Variants in SCAF8 observed in about 807,000 individuals in gnomAD.
SCAF8 encodes SR-related CTD associated factor 8, also known as SR-related and CTD-associated factor 8.
In SCAF8, 23 loss-of-function variants were observed where a neutral mutation model predicts 140.5. The observed-to-expected ratio is 0.16, with a 90% CI of 0.12 to 0.23. The LOEUF is 0.23. Ranked by LOEUF, SCAF8 falls within the 10% of genes least tolerant of loss-of-function variation. SCAF8 has a pLI of 1.00. For missense variants in SCAF8, 1,397 were observed against 1,555.7 expected (o/e 0.90, Z 1.72); for synonymous variants, 575 against 528.9 (o/e 1.09, Z -1.20).
At chr6:154,755,694 A>G (rs546148693) in intron 1 of SCAF8, among the ~76,000 whole-genome samples, 1 of 152,342 alleles carries the variant, frequency 6.6e-6, no homozygotes, top group South Asian at 2.1e-4. Context: ...AAGACTGTAA[A>G]TAGGAATATG....
chr6:154,774,902 C>T lies in SCAF8; in HGVS notation c.114+830C>T, dbSNP rs181827644. Among the ~76,000 whole-genome samples, 10 of 152,072 alleles carry T rather than the reference C, an allele frequency of 6.6e-5. No individual in the cohort carries two copies. In the South Asian group the frequency reaches 1.9e-3, roughly 28 times the overall value. On this transcript the variant is annotated intron_variant, in intron 2 of 19. Transcript: ENST00000367178. ...ATTTTTCCCCGAGAAGTTCTTGTCC[C>T]CTAGGCTAAGATTCCCTGAATTAGT...
intron 1 of SCAF8, among the ~76,000 whole-genome samples, chr6:154,760,470 C>T (rs935247357): frequency 2.0e-5 from 3 of 152,186 alleles, no homozygotes; most frequent in African/African-American, 4.8e-5. Flanking sequence ...TTTGTAATGT[C>T]ATACTTTTTT....
chr6:154,744,345 T>G (rs1041112409), intron 1 of SCAF8, among the ~76,000 whole-genome samples: 1 of 151,958 alleles, frequency 6.6e-6, no homozygotes, highest in South Asian at 2.1e-4. Context: ...AAACATCTTA[T>G]GTACACAAGT....
At chr6:154,784,151 A>ATTTATT (rs1554260671) in intron 3 of SCAF8, among the ~76,000 whole-genome samples, 13 of 97,592 alleles carry the variant, frequency 1.3e-4, no homozygotes, top group East Asian at 6.1e-4. Flanking sequence ...ATATATATAT[A>ATTTATT]TATATATTTA....
chr6:154,740,852 CAA>C (rs1015702931), intron 1 of SCAF8, among the ~76,000 whole-genome samples: 1 of 151,548 alleles, frequency 6.6e-6, no homozygotes, highest in African/African-American at 2.4e-5. Flanking sequence ...CTCCTGGTCT[CAA>C]GAGACCTGCC....
chr6:154,754,137 G>C (rs1176152822), intron 1 of SCAF8, among the ~76,000 whole-genome samples: 1 of 152,196 alleles, frequency 6.6e-6, no homozygotes, highest in Non-Finnish European at 1.5e-5. Flanking sequence ...AGAGTTTGAA[G>C]ATCCTTAAGC....
intron 1 of SCAF8, among the ~76,000 whole-genome samples, chr6:154,743,232 CTTAG>C (rs1421230891): frequency 2.0e-5 from 3 of 152,140 alleles, no homozygotes; most frequent in Non-Finnish European, 4.4e-5. Context: ...AACAGGTAGA[CTTAG>C]TTAAATGATT....
Position 154,816,270 on chromosome 6 carries a change from G to A in SCAF8, c.1521+454G>A, listed in dbSNP as rs573711764. Among the ~76,000 whole-genome samples the A allele has an allele frequency of 2.9e-3, 436 of 152,152 alleles. 3 individuals carry two copies. Among genetic ancestry groups the A allele is most frequent in the African/African-American group, 0.01 (425 of 41,512 alleles). ...TTTCTTCTCACTCTCTCACCCTCTC[G>A]TGCTCTTTTACTCTCTTTTTTATCA... On this transcript the variant is annotated intron_variant, in intron 13 of 19. Coordinates refer to ENST00000367178, the MANE Select transcript of SCAF8 (RefSeq NM_014892.5).
At chr6:154,802,219 TATAA>T (rs1466452716) in intron 7 of SCAF8, 72 bp downstream of exon 7, 15 of 918,388 alleles carry the variant, frequency 1.6e-5, no homozygotes, top group Middle Eastern at 3.6e-4. Flanking sequence ...ATTTTAATTC[TATAA>T]ATAAATTTTA....
At chr6:154,776,907 G>T (rs993742710) in intron 2 of SCAF8, among the ~76,000 whole-genome samples, 10 of 152,352 alleles carry the variant, frequency 6.6e-5, no homozygotes, top group Admixed American at 3.3e-4. Flanking sequence ...AAGGCTGGGC[G>T]CAGTGGCTCA....
chr6:154,733,408 A>G (rs984485143), upstream of SCAF8: 2 of 1,397,580 alleles, frequency 1.4e-6, no homozygotes, highest in Non-Finnish European at 1.9e-6. Flanking sequence ...GCCCGACTCG[A>G]GTCCGCCATA....
At chr6:154,792,084 A>G (rs1367960583) in intron 4 of SCAF8, among the ~76,000 whole-genome samples, 4 of 152,156 alleles carry the variant, frequency 2.6e-5, no homozygotes. Flanking sequence ...TTATTCATAC[A>G]GAGGATGATT....
At chr6:154,809,932 A>T in intron 11 of SCAF8, 83 bp from the exon 12 acceptor site, 3 of 1,115,062 alleles carry the variant, frequency 2.7e-6, no homozygotes, top group Non-Finnish European at 4.0e-6. Flanking sequence ...CTTTTTTGTT[A>T]TTGTTTTTTC....
intron 1 of SCAF8, among the ~76,000 whole-genome samples, chr6:154,737,735 C>T (rs556378011): frequency 2.0e-4 from 30 of 152,106 alleles, no homozygotes; most frequent in Non-Finnish European, 3.4e-4. Context: ...GTTGACAGGT[C>T]ACCACGCCGG....
rs142543753 is a variant in SCAF8, at chr6:154,796,853, T to G, written c.606+1714T>G. Among the ~76,000 whole-genome samples the G allele has an allele frequency of 2.1e-3, 322 of 152,096 alleles. 1 individual carries two copies. Among genetic ancestry groups the G allele is most frequent in the African/African-American group, 7.4e-3 (306 of 41,494 alleles). ...TAGGCAGCTTGGCACATGCCTGTAATCCCAGCTACTTAGGAGGCTGAGGCA... is the reference window on the plus strand; with the variant it reads ...TAGGCAGCTTGGCACATGCCTGTAAGCCCAGCTACTTAGGAGGCTGAGGCA... On this transcript the variant is annotated intron_variant, in intron 6 of 19. Coordinates refer to ENST00000367178, the MANE Select transcript of SCAF8 (RefSeq NM_014892.5).
intron 1 of SCAF8, among the ~76,000 whole-genome samples, chr6:154,750,733 C>T (rs1778816817): frequency 6.6e-6 from 1 of 152,072 alleles, no homozygotes; most frequent in Admixed American, 6.5e-5. Context: ...TGCCTTAAGT[C>T]TACTGTAAGC....
At chr6:154,778,474 G>A (rs559717688) in intron 3 of SCAF8, among the ~76,000 whole-genome samples, 132 of 152,176 alleles carry the variant, frequency 8.7e-4, no homozygotes, top group Non-Finnish European at 1.2e-3. Flanking sequence ...TTAAAATATA[G>A]TATTGATAGG....
At chr6:154,734,034 G>T (rs1011268214) in intron 1 of SCAF8, 104 bp downstream of exon 1, 1 of 1,412,432 alleles carries the variant, frequency 7.1e-7, no homozygotes, top group African/African-American at 1.5e-5. Context: ...TTTTTTAAGG[G>T]TGGGGTGAGC....
At position 154,774,077 on chromosome 6, in the gene SCAF8, G is replaced by A; in HGVS notation, c.114+5G>A. 1 of 1,584,454 alleles carries A rather than the reference G, an allele frequency of 6.3e-7. No homozygotes were observed. Among genetic ancestry groups the A allele is most frequent in the South Asian group, 1.1e-5 (1 of 88,672 alleles). ...GCAGCCATCAAAGCTATTAAGGTGA[G>A]TAATAAATTTTACTCTTCTATTTTC... is the stretch of plus-strand genomic sequence containing the variant. On this transcript the variant is annotated splice_donor_5th_base_variant and intron_variant, in intron 2 of 19. Transcript: ENST00000367178.
Sources: gnomAD v4.1 joint callset for allele counts (sites outside exome capture counted in the v4.1 genomes callset) on GRCh38, gnomAD v4.1.1 for gene constraint, MANE v1.5 for transcripts, NCBI Gene and HGNC (gene_info 2026-07-23, HGNC 2026-07-21) for gene names.